The following EYA4 variants were observed in gnomAD, a reference collection of about 807,000 sequenced individuals.
The protein encoded by EYA4 is protein phosphatase EYA4.
In EYA4, 31 loss-of-function variants were observed where a neutral mutation model predicts 87.9. The observed-to-expected ratio is 0.35, with a 90% confidence interval of 0.27 to 0.48. EYA4 has a LOEUF of 0.48. EYA4 is among the 20% of genes least tolerant of loss of function. EYA4 has a pLI of 0.99. For missense variants in EYA4, 678 were observed against 761.4 expected, an observed-to-expected ratio of 0.89 and a Z score of 1.29; for synonymous variants, 263 against 270.6, an observed-to-expected ratio of 0.97 and a Z score of 0.28.
Position 133,436,800 on chromosome 6 carries a change from TG to T in EYA4, c.84-9829del, listed in dbSNP as rs541560360. On this transcript the variant is annotated intron_variant, in intron 3 of 19. Transcript: ENST00000355286. ...AGTGTTTGAACATCAAGAATGCTTT[TG>T]CATTTCTTGGGTTGTGAACAACTGA... Among the ~76,000 whole-genome samples, 158 of 152,312 alleles carry T rather than the reference TG, an allele frequency of 1.0e-3. 1 individual carries two copies. Among genetic ancestry groups the T allele is most frequent in the African/African-American group, 3.6e-3 (151 of 41,570 alleles).
chr6:133,354,873 T>TTTGTTG lies in EYA4; in HGVS notation c.34-27507_34-27502dup, dbSNP rs760010693. The stretch of plus-strand genomic sequence containing the variant: ...TTGAAAACAGATTGAAATGTAGTGT[T>TTTGTTG]TTGTTGTTGTTGTTGTTTTTTCACA... On this transcript the variant is annotated intron_variant, in intron 2 of 19. Transcript: ENST00000355286. 7.9e-5 allele frequency among the ~76,000 whole-genome samples: 12 copies of TTTGTTG among 152,208 alleles called. No individual in the cohort carries two copies. In the South Asian group the frequency reaches 2.5e-3, roughly 32 times the overall value.
At chr6:133,381,592 T>C (rs1316930145) in intron 2 of EYA4, among the ~76,000 whole-genome samples, 2 of 152,086 alleles carry the variant, frequency 1.3e-5, no homozygotes, top group Non-Finnish European at 2.9e-5. Context: ...CACCCAGAAA[T>C]AGTGGGCTTA....
intron 2 of EYA4, among the ~76,000 whole-genome samples, chr6:133,286,583 G>C (rs140315647): frequency 6.6e-6 from 1 of 152,054 alleles, no homozygotes; most frequent in East Asian, 1.9e-4. Context: ...ATTTTCCTCC[G>C]AGGTGCTTCT....
chr6:133,508,443 A>T (rs573637776), intron 14 of EYA4, among the ~76,000 whole-genome samples: 132 of 152,172 alleles, frequency 8.7e-4, no homozygotes, highest in African/African-American at 3.0e-3. Context: ...TCTGTTGATC[A>T]GTATGGATGA....
At chr6:133,278,419 C>T (rs1392239268) in intron 2 of EYA4, among the ~76,000 whole-genome samples, 1 of 152,158 alleles carries the variant, frequency 6.6e-6, no homozygotes, top group Non-Finnish European at 1.5e-5. Flanking sequence ...GCCTATCTCA[C>T]CACTACATTA....
At chr6:133,303,325 A>T (rs1779556801) in intron 2 of EYA4, among the ~76,000 whole-genome samples, 1 of 152,118 alleles carries the variant, frequency 6.6e-6, no homozygotes, top group African/African-American at 2.4e-5. Context: ...TCTTCTTGTC[A>T]TTTGGATTTC....
chr6:133,522,642 T>C (rs545454574), intron 17 of EYA4, among the ~76,000 whole-genome samples: 1 of 152,302 alleles, frequency 6.6e-6, no homozygotes, highest in East Asian at 1.9e-4. Flanking sequence ...TACAAGTATA[T>C]ACAGTGTTTG....
At chr6:133,318,199 T>C (rs1780772708) in intron 2 of EYA4, among the ~76,000 whole-genome samples, 1 of 152,250 alleles carries the variant, frequency 6.6e-6, no homozygotes, top group African/African-American at 2.4e-5. Flanking sequence ...GTGAGCAATT[T>C]AAGTCTCTGC....
chr6:133,291,237 T>C (rs1178627618), intron 2 of EYA4, among the ~76,000 whole-genome samples: 1 of 152,202 alleles, frequency 6.6e-6, no homozygotes, highest in Non-Finnish European at 1.5e-5. Flanking sequence ...AACAATAGAC[T>C]TAAGTTGTAT....
chr6:133,348,941 C>A, intron 2 of EYA4, among the ~76,000 whole-genome samples: 2 of 151,970 alleles, frequency 1.3e-5, no homozygotes, highest in African/African-American at 4.8e-5. Flanking sequence ...AAGTCACAAT[C>A]TTTACAGTGG....
chr6:133,328,745 G>A (rs1450481393), intron 2 of EYA4, among the ~76,000 whole-genome samples: 2 of 152,004 alleles, frequency 1.3e-5, no homozygotes, highest in African/African-American at 4.8e-5. Context: ...TATATAAAGG[G>A]TTGTCTCTCC....
intron 3 of EYA4, among the ~76,000 whole-genome samples, chr6:133,401,334 G>A (rs752555575): frequency 2.8e-4 from 42 of 152,052 alleles, no homozygotes; most frequent in Non-Finnish European, 5.1e-4. Context: ...TGTTCAACAC[G>A]TCAGTAGGGT....
At chr6:133,496,260 A>G (rs1008221958) in intron 13 of EYA4, among the ~76,000 whole-genome samples, 1 of 152,182 alleles carries the variant, frequency 6.6e-6, no homozygotes, top group African/African-American at 2.4e-5. Flanking sequence ...CCTTAAAATT[A>G]TTATGGGTCC....
intron 1 of EYA4, among the ~76,000 whole-genome samples, chr6:133,267,404 A>T (rs555146518): frequency 1.3e-5 from 2 of 151,560 alleles, no homozygotes; most frequent in Non-Finnish European, 2.9e-5. Context: ...TTTTTGAGAC[A>T]GAGTCTCACT....
intron 1 of EYA4, among the ~76,000 whole-genome samples, chr6:133,265,943 A>G (rs918475712): frequency 2.6e-5 from 4 of 152,150 alleles, no homozygotes; most frequent in African/African-American, 4.8e-5. Flanking sequence ...GAAAATTATC[A>G]CTTCTTTCCT....
intron 11 of EYA4, among the ~76,000 whole-genome samples, chr6:133,476,230 A>G (rs1386763207): frequency 6.6e-6 from 1 of 152,072 alleles, no homozygotes; most frequent in Non-Finnish European, 1.5e-5. Flanking sequence ...CATATGCATT[A>G]CCTCACATGC....
chr6:133,523,904 G>A (rs1397728082), intron 18 of EYA4, among the ~76,000 whole-genome samples: 1 of 152,100 alleles, frequency 6.6e-6, no homozygotes, highest in Admixed American at 6.6e-5. Context: ...ATGCCTTGAA[G>A]GTCAACAAAC....
In EYA4 at chr6:133,274,727, T is replaced by C. The variant is rs2128268554; in HGVS notation, c.-54T>C. 2.0e-6 allele frequency: 3 copies of C among 1,490,948 alleles called. No homozygotes were observed. Among genetic ancestry groups the C allele is most frequent in the Non-Finnish European group, 1.9e-6 (2 of 1,068,246 alleles). 92.4% of individuals were successfully genotyped at this position (1,490,948 alleles called of 1,614,324 possible). On this transcript the variant is annotated 5_prime_UTR_variant, in exon 2 of 20. Transcript: ENST00000355286. ...TCTTCTTGTTTTAGATAGTCATTTTTACTTGAAGGAAGCTGCTTCTACTTG... is the reference window on the plus strand; with the variant it reads ...TCTTCTTGTTTTAGATAGTCATTTTCACTTGAAGGAAGCTGCTTCTACTTG...
At chr6:133,499,068 C>G (rs1797882485) in intron 13 of EYA4, among the ~76,000 whole-genome samples, 1 of 152,190 alleles carries the variant, frequency 6.6e-6, no homozygotes, top group Non-Finnish European at 1.5e-5. Flanking sequence ...TAACTAATCT[C>G]TTAAAAACAC....
Sources: gnomAD v4.1 joint callset for allele counts (sites outside exome capture counted in the v4.1 genomes callset) on GRCh38, gnomAD v4.1.1 for gene constraint, MANE v1.5 for transcripts, NCBI Gene and HGNC (gene_info 2026-07-23, HGNC 2026-07-21) for gene names.